The following THOC7 variants were observed in gnomAD, a reference collection of about 807,000 sequenced individuals.
THOC7 encodes the protein NIF3L1-binding protein 1.
THOC7 carries 22 observed loss-of-function variants against 33.1 expected under a neutral mutation model. The ratio of observed to expected loss-of-function variants is 0.66; its 90% CI spans 0.47 to 0.95. THOC7 has a LOEUF of 0.95. THOC7 is among the 40% of genes least tolerant of loss of function. The pLI is 0.00. For synonymous variants in THOC7, 77 were observed against 76.8 expected (o/e 1.00, Z -0.01); for missense variants, 184 against 245.3 (o/e 0.75, Z 1.67).
intron 1 of THOC7, chr3:63,863,374 G>C: frequency 1.1e-6 from 1 of 927,928 alleles, no homozygotes; most frequent in Non-Finnish European, 1.3e-6. Context: ...CACCCTTCGC[G>C]GCTCCTGGGT....
At chr3:63,838,609 A>G in intron 2 of THOC7, 110 bp from the exon 3 acceptor site, 1 of 1,077,872 alleles carries the variant, frequency 9.3e-7, no homozygotes, top group Non-Finnish European at 1.3e-6. Context: ...GTTCTGAGAG[A>G]ATCATTTGCT....
At chr3:63,842,884 C>A (rs562779307) in intron 1 of THOC7, among the ~76,000 whole-genome samples, 138 of 152,138 alleles carry the variant, frequency 9.1e-4, no homozygotes, top group African/African-American at 3.2e-3. Context: ...TGGGTTCAAG[C>A]CAGCCTCCTA....
At chr3:63,847,079 C>T (rs1198987005) in intron 1 of THOC7, among the ~76,000 whole-genome samples, 2 of 152,128 alleles carry the variant, frequency 1.3e-5, no homozygotes, top group South Asian at 2.1e-4. Context: ...CGAAGAATTG[C>T]GTAGGCGAAT....
intron 7 of THOC7, among the ~76,000 whole-genome samples, 184 bp from the exon 8 acceptor site, chr3:63,834,383 G>A (rs1250411160): frequency 5.9e-5 from 9 of 151,936 alleles, no homozygotes; most frequent in Admixed American, 5.9e-4. Flanking sequence ...ATCCAGGCAG[G>A]GTCTGGTGGC....
At chr3:63,852,836 A>C (rs1244975275) in intron 1 of THOC7, among the ~76,000 whole-genome samples, 1 of 152,158 alleles carries the variant, frequency 6.6e-6, no homozygotes, top group Non-Finnish European at 1.5e-5. Context: ...ACATGGCCTG[A>C]ACTAAAAAGG....
At position 63,838,367 on chromosome 3, in the gene THOC7, T is replaced by C. The variant is rs767437831; in HGVS notation, c.265+5A>G. 1 of 1,462,426 alleles carries C rather than the reference T, an allele frequency of 6.8e-7. No homozygotes were observed. The highest frequency in any genetic ancestry group is 9.4e-7 in the Non-Finnish European group (1 of 1,059,406). 90.6% of individuals were successfully genotyped at this position (1,462,426 alleles called of 1,614,324 possible). The stretch of plus-strand genomic sequence containing the variant: ...ATTACAGATAGAAACATTAAGATTC[T>C]TTACCTATTTCCTTGTAAATTTTTT... On this transcript the variant is annotated splice_donor_5th_base_variant and intron_variant, in intron 3 of 7. Coordinates refer to ENST00000295899, the MANE Select transcript of THOC7 (RefSeq NM_025075.4).
rs1701578190 is a variant in THOC7 at position 63,834,185 on chromosome 3, A to G, written c.562T>C (p.Ser188Pro). 6.2e-7 allele frequency: 1 copy of G among 1,613,904 alleles called. No homozygotes were observed. Among genetic ancestry groups the G allele is most frequent in the South Asian group, 1.1e-5 (1 of 91,080 alleles). Residue 188 changes from serine to proline, a missense_variant, in exon 8 of 8, where the codon TCA (serine) becomes CCA (proline). By Grantham distance (74) the Ser-to-Pro change is moderately conservative. This residue lies in a region of THOC7 where 25 missense variants were observed against 26.5 expected (regional missense o/e 0.94). Coordinates refer to ENST00000295899, the MANE Select transcript of THOC7 (RefSeq NM_025075.4). ...QQTLENDEKL[S>P]EVEEAQEASM... is the part of the protein sequence containing the mutation. ...GCTTCCTGAGCTTCTTCTACCTCTG[A>G]GAGTTTTTCATCATCTGTAATTGAG...
At chr3:63,836,151 C>T (rs1328778230) in intron 5 of THOC7, 150 bp downstream of exon 5, 7 of 640,484 alleles carry the variant, frequency 1.1e-5, no homozygotes, top group Non-Finnish European at 1.7e-5. Context: ...AAAATAAAAT[C>T]TAACAGAGAA....
chr3:63,851,916 C>T (rs1259942935), intron 1 of THOC7, among the ~76,000 whole-genome samples: 2 of 152,196 alleles, frequency 1.3e-5, no homozygotes, highest in African/African-American at 4.8e-5. Context: ...GTCTGTCCCT[C>T]CCACCACAGA....
At chr3:63,863,687 CG>C (rs1702299920) in intron 1 of THOC7, 84 bp downstream of exon 1, 1 of 1,238,230 alleles carries the variant, frequency 8.1e-7, no homozygotes, top group Non-Finnish European at 1.0e-6. Context: ...GAGGGGTTCC[CG>C]GAAGCGGGCC....
chr3:63,851,267 G>A (rs1702016594), intron 1 of THOC7, among the ~76,000 whole-genome samples: 1 of 152,302 alleles, frequency 6.6e-6, no homozygotes, highest in South Asian at 2.1e-4. Context: ...GACACAATAA[G>A]CTATAAACAC....
intron 1 of THOC7, among the ~76,000 whole-genome samples, chr3:63,851,409 T>C (rs912543291): frequency 6.6e-6 from 1 of 152,212 alleles, no homozygotes; most frequent in Non-Finnish European, 1.5e-5. Context: ...GAGGCCATTG[T>C]TTTGGACTAA....
At chr3:63,863,816 G>GCGGCGC (rs1186448568), upstream of THOC7, 115 of 1,172,580 alleles carry the variant, frequency 9.8e-5, no homozygotes, top group Non-Finnish European at 1.2e-4. Context: ...GGCGGCGGCG[G>GCGGCGC]CGGCGGCGCA....
chr3:63,845,500 T>C (rs1425581335), intron 1 of THOC7, among the ~76,000 whole-genome samples: 1 of 152,094 alleles, frequency 6.6e-6, no homozygotes, highest in Non-Finnish European at 1.5e-5. Context: ...GTGGCTACCA[T>C]AAAGGGCTGC....
intron 4 of THOC7, among the ~76,000 whole-genome samples, chr3:63,836,606 G>A (rs542421116): frequency 1.6e-4 from 24 of 151,910 alleles, no homozygotes; most frequent in African/African-American, 1.7e-4. Flanking sequence ...TGGACAGAAC[G>A]TAAGAGGTCA....
At chr3:63,851,451 A>G (rs181312276) in intron 1 of THOC7, among the ~76,000 whole-genome samples, 79 of 152,330 alleles carry the variant, frequency 5.2e-4, no homozygotes, top group Admixed American at 3.4e-3. Flanking sequence ...GGACCAGACT[A>G]AAAATCAAAA....
upstream of THOC7, chr3:63,863,927 CCG>C: frequency 1.3e-6 from 1 of 741,692 alleles, no homozygotes; most frequent in Non-Finnish European, 1.7e-6. Context: ...GCCGCCTGCT[CCG>C]ACGCCTGAGC....
intron 1 of THOC7, among the ~76,000 whole-genome samples, chr3:63,850,210 T>C (rs1230506277): frequency 2.0e-5 from 3 of 152,080 alleles, no homozygotes; most frequent in Non-Finnish European, 2.9e-5. Flanking sequence ...TATTTATTTA[T>C]TTACTTAGAG....
chr3:63,861,020 T>C (rs951236464), intron 1 of THOC7: 1 of 152,204 alleles, frequency 6.6e-6, no homozygotes, highest in African/African-American at 2.4e-5. Context: ...CAAAGGAAAG[T>C]GGAAGACAGA....
Sources: allele counts gnomAD v4.1 joint callset (sites outside exome capture counted in the v4.1 genomes callset), GRCh38; gene constraint gnomAD v4.1.1; regional missense constraint gnomAD v4.1.1; transcripts MANE v1.5; gene names NCBI Gene and HGNC (gene_info 2026-07-23, HGNC 2026-07-21).